The following RIN3 variants were observed in gnomAD, a reference collection of about 807,000 sequenced individuals.
RIN3 encodes the protein Ras and Rab interactor 3.
A neutral mutation model predicts 76.3 loss-of-function variants in RIN3; 54 were observed. That is an observed-to-expected ratio of 0.71 (90% CI 0.57 to 0.89). The LOEUF (loss-of-function observed/expected upper bound fraction) is 0.89, where lower values mean the gene tolerates loss of function less well. RIN3 is among the 40% of genes least tolerant of loss of function. The probability of loss-of-function intolerance (pLI) is 0.00; values close to 1 mark genes in which losing one functional copy is unlikely to be tolerated. For synonymous variants in RIN3, 576 were observed against 564.0 expected (o/e 1.02, Z -0.30); for missense variants, 1,256 against 1,322.1 (o/e 0.95, Z 0.78).
intron 3 of RIN3, among the ~76,000 whole-genome samples, chr14:92,603,882 G>A (rs764152680): frequency 2.0e-5 from 3 of 152,206 alleles, no homozygotes; most frequent in South Asian, 2.1e-4. Flanking sequence ...CAAAGAAATC[G>A]CTATCTTCCC....
chr14:92,585,498 CA>C (rs1825944296), intron 3 of RIN3, among the ~76,000 whole-genome samples: 1 of 152,204 alleles, frequency 6.6e-6, no homozygotes, highest in Non-Finnish European at 1.5e-5. Context: ...TACATTTGCC[CA>C]TGACATGGGC....
Position 92,514,103 on chromosome 14 carries a change from G to C in RIN3, c.44+127G>C, listed in dbSNP as rs1896370588. On this transcript the variant is annotated intron_variant, in intron 1 of 9. Coordinates refer to ENST00000216487, the MANE Select transcript of RIN3 (RefSeq NM_024832.5). The surrounding 1 kb of genome is among the most constrained non-coding windows in gnomAD (Gnocchi z 7.2). ...ACCTCGGGGTTGTCGGGCTGATACG[G>C]GACCCCCACCGTGGCCGAGGCCAGA... 1.5e-6 allele frequency: 1 copy of C among 654,140 alleles called. No homozygotes were observed. Among genetic ancestry groups the C allele is most frequent in the African/African-American group, 1.9e-5 (1 of 53,242 alleles). 40.5% of individuals were successfully genotyped at this position (654,140 alleles called of 1,614,324 possible). A position where few individuals can be genotyped will look rare whatever the true frequency, so the allele number is the denominator to read the frequency against.
chr14:92,547,040 ATT>A (rs1897284519), intron 1 of RIN3, among the ~76,000 whole-genome samples: 1 of 134,196 alleles, frequency 7.5e-6, no homozygotes, highest in African/African-American at 2.7e-5. Context: ...ATTTTATTTT[ATT>A]TTATTATAAT....
At chr14:92,586,161 T>C (rs1248248169) in intron 3 of RIN3, among the ~76,000 whole-genome samples, 1 of 152,190 alleles carries the variant, frequency 6.6e-6, no homozygotes, top group East Asian at 1.9e-4. Context: ...GGGACCGTGT[T>C]GCCTGGCACA....
At chr14:92,580,785 C>A (rs1020319812) in intron 3 of RIN3, among the ~76,000 whole-genome samples, 1 of 152,204 alleles carries the variant, frequency 6.6e-6, no homozygotes, top group Non-Finnish European at 1.5e-5. Flanking sequence ...CGTCTTCCTG[C>A]CAAGGCCTAG....
chr14:92,559,023 C>T (rs1213599762), intron 2 of RIN3, among the ~76,000 whole-genome samples: 6 of 151,860 alleles, frequency 4.0e-5, no homozygotes, highest in Admixed American at 2.0e-4. Context: ...TGTGCCACCA[C>T]GCCTGGCTAA....
At chr14:92,537,634 CTTTTTTTT>C (rs576683908) in intron 1 of RIN3, among the ~76,000 whole-genome samples, 26 of 51,636 alleles carry the variant, frequency 5.0e-4, no homozygotes, top group African/African-American at 1.2e-3. Flanking sequence ...GCCTTAGGGA[CTTTTTTTT>C]TTTTTTTTTT....
intron 3 of RIN3, 32 bp downstream of exon 3, chr14:92,577,509 A>T (rs777530235): frequency 7.1e-7 from 1 of 1,401,438 alleles, no homozygotes; most frequent in Non-Finnish European, 1.0e-6. Context: ...TTTCACTTTG[A>T]CCACGCGGCA....
At chr14:92,523,396 G>A (rs570895936) in intron 1 of RIN3, among the ~76,000 whole-genome samples, 2 of 152,356 alleles carry the variant, frequency 1.3e-5, no homozygotes, top group South Asian at 2.1e-4. Context: ...ACAGGCGTGA[G>A]CCACCGTGCC....
chr14:92,681,287 G>C lies in RIN3; in HGVS notation c.2468-3700G>C, dbSNP rs1479463211. Among the ~76,000 whole-genome samples, 6 of 152,142 alleles carry C rather than the reference G, an allele frequency of 3.9e-5. No homozygotes were observed. The South Asian group carries it at 1.2e-3, about 31-fold the overall frequency. ...AGGCATTTCATGGCCCCAAGTCAAA[G>C]AGGAAGGCTGGCAGAGAGAGAGGCC... On this transcript the variant is annotated intron_variant, in intron 8 of 9. Transcript: ENST00000216487. The surrounding 1 kb of genome is among the most constrained non-coding windows in gnomAD (Gnocchi z 4.7).
In RIN3 at chr14:92,688,733, G is replaced by A. The variant is rs902508095; in HGVS notation, c.*481G>A. 5 of 160,936 alleles carry A rather than the reference G, an allele frequency of 3.1e-5. No individual in the cohort carries two copies. The highest frequency in any genetic ancestry group is 6.2e-5 in the Admixed American group (1 of 16,132). The allele number at this position is 160,936 out of a possible 1,614,324, so 10.0% of individuals were successfully genotyped here. On this transcript the variant is annotated 3_prime_UTR_variant, in exon 10 of 10. Transcript: ENST00000216487. Reference sequence around the variant, plus strand: ...CATCTCAGGAGCACCTCAGGGTGTCGGTTAAGAGACAGGCCTCCACCCCTG... The same window carrying A: ...CATCTCAGGAGCACCTCAGGGTGTCAGTTAAGAGACAGGCCTCCACCCCTG...
intron 1 of RIN3, chr14:92,515,123 C>T (rs1174161573): frequency 1.1e-5 from 7 of 648,474 alleles, no homozygotes; most frequent in South Asian, 7.0e-5. Context: ...TCATCTAGAT[C>T]TGAACGTCTC....
Position 92,615,469 on chromosome 14 carries a change from T to A in RIN3, c.430T>A (p.Cys144Ser), listed in dbSNP as rs768882458. The A allele has an allele frequency of 5.6e-6, 9 of 1,613,966 alleles. No homozygotes were observed. Among genetic ancestry groups the A allele is most frequent in the Non-Finnish European group, 7.6e-6 (9 of 1,179,930 alleles). ...CATCTTCAGATTGATTGCGTTCTAC[T>A]GTGTCAGTAGGTGAGTAGACCCGGC... The part of the protein sequence containing the change: ...EDIFRLIAFY[C>S]VSRDLLPFTL... Residue 144 changes from cysteine (C) to serine (S), a missense_variant, in exon 4 of 10, where the codon TGT (cysteine) becomes AGT (serine). Cys to Ser is a moderately radical substitution (Grantham distance 112). Transcript: ENST00000216487.
chr14:92,620,143 A>C (rs998999110), intron 4 of RIN3, among the ~76,000 whole-genome samples: 1 of 152,268 alleles, frequency 6.6e-6, no homozygotes, highest in African/African-American at 2.4e-5. Context: ...GGAGACAAAC[A>C]GTGACTTTTC....
At chr14:92,668,098 A>G (rs1888172264) in intron 7 of RIN3, among the ~76,000 whole-genome samples, 1 of 152,206 alleles carries the variant, frequency 6.6e-6, no homozygotes, top group Non-Finnish European at 1.5e-5. Context: ...TCATCCTCAC[A>G]ACCACTCCAG....
intron 1 of RIN3, among the ~76,000 whole-genome samples, chr14:92,527,929 C>T (rs377752418): frequency 1.6e-4 from 25 of 151,976 alleles, no homozygotes; most frequent in African/African-American, 5.6e-4. Context: ...CAGTTTGGGG[C>T]GATGACAAAT....
intron 1 of RIN3, among the ~76,000 whole-genome samples, chr14:92,545,692 C>G (rs1897245979): frequency 1.3e-5 from 2 of 151,380 alleles, no homozygotes; most frequent in African/African-American, 4.8e-5. Context: ...GGTGATCCTC[C>G]CACCTCAGCC....
chr14:92,562,123 G>T (rs763469761), intron 2 of RIN3, among the ~76,000 whole-genome samples: 2 of 152,206 alleles, frequency 1.3e-5, no homozygotes, highest in Non-Finnish European at 1.5e-5. Context: ...CAGTTTTGAG[G>T]AACAGTGATC....
chr14:92,542,339 G>C (rs770060623), intron 1 of RIN3, among the ~76,000 whole-genome samples: 1 of 151,980 alleles, frequency 6.6e-6, no homozygotes, highest in Non-Finnish European at 1.5e-5. Flanking sequence ...AGCCACCGTA[G>C]AACTGCAAAT....
Sources: gnomAD v4.1 joint callset for allele counts (sites outside exome capture counted in the v4.1 genomes callset) on GRCh38, gnomAD v4.1.1 for gene constraint, Gnocchi (gnomAD v3.1) non-coding constraint, MANE v1.5 for transcripts, NCBI Gene and HGNC (gene_info 2026-07-23, HGNC 2026-07-21) for gene names.